Variants in CDKL5 observed in about 807,000 individuals in gnomAD.
The protein encoded by CDKL5 is cyclin dependent kinase like 5.
Under a neutral mutation model 61.7 loss-of-function variants are expected in CDKL5, and 8 were observed. The observed-to-expected ratio is 0.13, with a 90% CI of 0.08 to 0.23. CDKL5 has a LOEUF of 0.23. CDKL5 is among the 10% of genes least tolerant of loss of function. The pLI is 1.00. For missense variants in CDKL5, 440 were observed against 734.5 expected (o/e 0.60, Z 4.63); for synonymous variants, 275 against 272.3 (o/e 1.01, Z -0.10).
At chrX:18,518,066 T>G (rs934232483) in intron 3 of CDKL5, among the ~76,000 whole-genome samples, 8 of 111,608 alleles carry the variant, frequency 7.2e-5, no homozygotes, top group Non-Finnish European at 1.1e-4. Context: ...CAACACTGAT[T>G]TACTGTGTAA....
intron 6 of CDKL5, among the ~76,000 whole-genome samples, chrX:18,581,463 T>C (rs1423778167): frequency 3.6e-5 from 4 of 112,138 alleles, no homozygotes; most frequent in Non-Finnish European, 7.5e-5. Context: ...GTATGTCTTC[T>C]CCAGTAAATA....
chrX:18,549,756 T>C lies in CDKL5; in HGVS notation c.100-14721T>C, dbSNP rs778855007. 2.7e-5 allele frequency among the ~76,000 whole-genome samples: 3 copies of C among 111,551 alleles called. No individual in the cohort carries two copies. In the South Asian group the frequency reaches 1.2e-3, roughly 43 times the overall value. Reference sequence around the variant, plus strand: ...CCCCGCCCCCATCACCTTAGGGAACTGAAATTCAAGGTTTAGGGGGTGGGT... The same window carrying C: ...CCCCGCCCCCATCACCTTAGGGAACCGAAATTCAAGGTTTAGGGGGTGGGT... On this transcript the variant is annotated intron_variant, in intron 3 of 17. Coordinates refer to ENST00000623535, the MANE Select transcript of CDKL5 (RefSeq NM_001323289.2).
At chrX:18,641,881 A>C, downstream of CDKL5, 2 of 711,356 alleles carry the variant, frequency 2.8e-6, no homozygotes, top group Non-Finnish European at 4.3e-6. Context: ...TTATCTACCC[A>C]GCACTGCAGT....
At chrX:18,641,025 A>T (rs768166344), downstream of CDKL5, 11 of 112,643 alleles carry the variant, frequency 9.8e-5, no homozygotes, top group African/African-American at 3.5e-4. Context: ...AAAAAGCTAC[A>T]TGGTCCTTTT....
chrX:18,607,156 CG>C (rs1926391712), intron 12 of CDKL5, among the ~76,000 whole-genome samples: 3 of 111,257 alleles, frequency 2.7e-5, no homozygotes, highest in African/African-American at 9.8e-5. Context: ...TGGTGTCTTG[CG>C]GACATGTTGA....
At chrX:18,592,378 A>G (rs1925857722) in intron 9 of CDKL5, among the ~76,000 whole-genome samples, 2 of 112,549 alleles carry the variant, frequency 1.8e-5, no homozygotes, top group Non-Finnish European at 3.8e-5. Flanking sequence ...GGGATTCATT[A>G]GAGAATGCTT....
intron 1 of CDKL5, among the ~76,000 whole-genome samples, chrX:18,428,068 A>T (rs1353663459): frequency 9.0e-6 from 1 of 111,581 alleles, no homozygotes; most frequent in Non-Finnish European, 1.9e-5. Flanking sequence ...GCTTGGGGTT[A>T]AGGCAGTTTC....
rs2147185339 is a variant in CDKL5 at position 18,637,755 on chromosome X, C to T, written c.*8998C>T. On this transcript the variant is annotated 3_prime_UTR_variant, in exon 18 of 18. Transcript: ENST00000623535. Reference sequence around the variant, plus strand: ...GAAGATTTAATGAGATAATAACCTGCAGAGCACTTGAGAGTCTCAAGAAAT... The same window carrying T: ...GAAGATTTAATGAGATAATAACCTGTAGAGCACTTGAGAGTCTCAAGAAAT... The T allele has an allele frequency of 9.0e-6, 1 of 111,376 alleles. No individual in the cohort carries two copies. The highest frequency in any genetic ancestry group is 9.6e-5 in the Admixed American group (1 of 10,431). The allele number at this position is 111,376 out of a possible 1,213,427, so 9.2% of individuals were successfully genotyped here.
At chrX:18,525,872 G>A (rs1923420610) in intron 3 of CDKL5, among the ~76,000 whole-genome samples, 2 of 107,213 alleles carry the variant, frequency 1.9e-5, no homozygotes. Flanking sequence ...TCAGCCTCCC[G>A]AGTAGTTGGG....
rs777841118 is a variant in CDKL5, at chrX:18,634,463, CTG to C, written c.*5708_*5709del. 6.6e-6 allele frequency: 5 copies of C among 752,464 alleles called. No homozygotes were observed. Among genetic ancestry groups the C allele is most frequent in the Non-Finnish European group, 7.8e-6 (5 of 639,025 alleles). The allele number at this position is 752,464 out of a possible 1,213,427, so 62.0% of individuals were successfully genotyped here. ...ATTGTCAAAAGCTCCGGTTCAAACTCTGTAGAGTTTCATGGAAAAACAAAACA... is the reference window on the plus strand; with the variant it reads ...ATTGTCAAAAGCTCCGGTTCAAACTCTAGAGTTTCATGGAAAAACAAAACA... On this transcript the variant is annotated 3_prime_UTR_variant, in exon 18 of 18. Transcript: ENST00000623535.
At chrX:18,575,917 A>G (rs1925282527) in intron 5 of CDKL5, among the ~76,000 whole-genome samples, 1 of 111,718 alleles carries the variant, frequency 9.0e-6, no homozygotes, top group African/African-American at 3.3e-5. Context: ...TGAACTGCCA[A>G]TGCTTTGGCT....
At chrX:18,486,723 T>G (rs1261890475) in intron 1 of CDKL5, among the ~76,000 whole-genome samples, 1 of 112,180 alleles carries the variant, frequency 8.9e-6, no homozygotes, top group Non-Finnish European at 1.9e-5. Flanking sequence ...GTAGCAAATT[T>G]ATGACATGAT....
chrX:18,530,331 G>C (rs1301971249), intron 3 of CDKL5, among the ~76,000 whole-genome samples: 1 of 90,638 alleles, frequency 1.1e-5, no homozygotes, highest in Non-Finnish European at 2.1e-5. Flanking sequence ...GTGAGGCTCC[G>C]TCTCAAAAAA....
chrX:18,560,710 GT>G (rs1924772025), intron 3 of CDKL5, among the ~76,000 whole-genome samples: 1 of 110,427 alleles, frequency 9.1e-6, no homozygotes, highest in Non-Finnish European at 1.9e-5. Flanking sequence ...TAGGAACAAC[GT>G]TTAAGGTTGC....
At chrX:18,446,072 A>G (rs1252105799) in intron 1 of CDKL5, among the ~76,000 whole-genome samples, 1 of 109,682 alleles carries the variant, frequency 9.1e-6, no homozygotes, top group African/African-American at 3.3e-5. Context: ...AGTTAAGAAC[A>G]AGAAAGTAGG....
intron 3 of CDKL5, among the ~76,000 whole-genome samples, chrX:18,520,138 A>C (rs1244706636): frequency 8.9e-6 from 1 of 112,228 alleles, no homozygotes; most frequent in Non-Finnish European, 1.9e-5. Flanking sequence ...AAAGTATACA[A>C]GTATGTGACA....
In CDKL5 at chrX:18,637,303, C is replaced by G. The variant is rs933159372; in HGVS notation, c.*8546C>G. ...TTAGGAGGCTGAGGCAGGAGAATCA[C>G]TTGAACCCAAAAGGCAGAGGTTGCA... is the stretch of plus-strand genomic sequence containing the variant. On this transcript the variant is annotated 3_prime_UTR_variant, in exon 18 of 18. Coordinates refer to ENST00000623535, the MANE Select transcript of CDKL5 (RefSeq NM_001323289.2). 10 of 107,685 alleles carry G rather than the reference C, an allele frequency of 9.3e-5. No homozygotes were observed. The highest frequency in any genetic ancestry group is 3.1e-4 in the African/African-American group (9 of 29,354). The allele number at this position is 107,685 out of a possible 1,213,427, so 8.9% of individuals were successfully genotyped here.
intron 3 of CDKL5, 133 bp downstream of exon 3, chrX:18,510,987 T>G: frequency 2.1e-6 from 1 of 480,917 alleles, no homozygotes; most frequent in Non-Finnish European, 3.5e-6. Flanking sequence ...AGAAATGTTT[T>G]GGATTTTTTT....
intron 3 of CDKL5, among the ~76,000 whole-genome samples, chrX:18,540,206 G>A (rs962006299): frequency 9.0e-6 from 1 of 110,824 alleles, no homozygotes; most frequent in Non-Finnish European, 1.9e-5. Flanking sequence ...GTCTCATTTT[G>A]TCACCCAGGC....
Sources: allele counts gnomAD v4.1 joint callset (sites outside exome capture counted in the v4.1 genomes callset), GRCh38; gene constraint gnomAD v4.1.1; transcripts MANE v1.5; gene names NCBI Gene and HGNC (gene_info 2026-07-23, HGNC 2026-07-21).